Variants in ARPP21 observed in about 807,000 individuals in gnomAD.
ARPP21 encodes cAMP-regulated phosphoprotein 21.
Under a neutral mutation model 113.2 loss-of-function variants are expected in ARPP21, and 69 were observed. That is an observed-to-expected ratio of 0.61 (90% CI 0.50 to 0.74). The LOEUF (loss-of-function observed/expected upper bound fraction) is 0.74, where lower values mean the gene tolerates loss of function less well. Ranked by LOEUF, ARPP21 falls within the 30% of genes least tolerant of loss-of-function variation. The pLI is 0.00. For synonymous variants in ARPP21, 368 were observed against 375.5 expected (o/e 0.98, Z 0.23); for missense variants, 1,070 against 1,037.4 (o/e 1.03, Z -0.43).
intron 9 of ARPP21, among the ~76,000 whole-genome samples, chr3:35,705,797 C>T (rs2088720863): frequency 6.6e-6 from 1 of 152,124 alleles, no homozygotes; most frequent in Admixed American, 6.5e-5. Flanking sequence ...TAAAAAAACT[C>T]TAACTGATAT....
At chr3:35,730,757 A>G (rs1296981142) in intron 15 of ARPP21, among the ~76,000 whole-genome samples, 1 of 152,240 alleles carries the variant, frequency 6.6e-6, no homozygotes, top group Non-Finnish European at 1.5e-5. Flanking sequence ...GGAAATTCAG[A>G]GAAATATGAG....
intron 1 of ARPP21, among the ~76,000 whole-genome samples, chr3:35,665,929 G>A (rs1042178475): frequency 3.9e-5 from 6 of 152,056 alleles, no homozygotes; most frequent in African/African-American, 1.4e-4. Flanking sequence ...GATAGAATGT[G>A]TGCATTGTTG....
At position 35,747,724 on chromosome 3, in the gene ARPP21, G is replaced by T. The variant is rs564845219; in HGVS notation, c.2137+3759G>T. ...TAAAGAACTTATGTCTCCCTACTCT[G>T]CCTCAGGGGAACTCAGATTTCCTAT... On this transcript the variant is annotated intron_variant, in intron 19 of 20. Transcript: ENST00000684406. 4.6e-5 allele frequency among the ~76,000 whole-genome samples: 7 copies of T among 152,178 alleles called. No homozygotes were observed. In the Middle Eastern group the frequency reaches 0.01, roughly 222 times the overall value.
chr3:35,743,656 T>C (rs993830009), intron 18 of ARPP21, among the ~76,000 whole-genome samples, 183 bp from the exon 19 acceptor site: 1 of 152,178 alleles, frequency 6.6e-6, no homozygotes, highest in East Asian at 1.9e-4. Flanking sequence ...AGATTTAAGT[T>C]TGGGAAATGG....
At chr3:35,711,574 T>A (rs2091137563) in intron 11 of ARPP21, among the ~76,000 whole-genome samples, 1 of 152,164 alleles carries the variant, frequency 6.6e-6, no homozygotes, top group African/African-American at 2.4e-5. Flanking sequence ...TTTCTGTGGG[T>A]CAGGAGTCTG....
chr3:35,675,798 AGATGATGAT>A (rs58955088), intron 1 of ARPP21, among the ~76,000 whole-genome samples: 193 of 149,350 alleles, frequency 1.3e-3, no homozygotes, highest in East Asian at 7.1e-3. Context: ...GCTAAGATGA[AGATGATGAT>A]GATGATGATG....
At chr3:35,674,965 A>G (rs1429024902) in intron 1 of ARPP21, among the ~76,000 whole-genome samples, 3 of 151,720 alleles carry the variant, frequency 2.0e-5, no homozygotes, top group Non-Finnish European at 2.9e-5. Flanking sequence ...TAATAGAACC[A>G]TCACTAGAGA....
chr3:35,670,954 A>G (rs2280097), intron 1 of ARPP21, among the ~76,000 whole-genome samples: 51,459 of 151,986 alleles, frequency 0.34, 8,981 homozygotes, highest in East Asian at 0.49. Flanking sequence ...TTTATTCAAA[A>G]CGCTAGTATT....
At chr3:35,721,116 A>G (rs1003008950) in intron 13 of ARPP21, among the ~76,000 whole-genome samples, 1 of 152,242 alleles carries the variant, frequency 6.6e-6, no homozygotes, top group African/African-American at 2.4e-5. Flanking sequence ...TGGAACATGA[A>G]TTAACAGCTT....
intron 19 of ARPP21, among the ~76,000 whole-genome samples, chr3:35,788,546 T>A (rs17033769): frequency 6.6e-6 from 1 of 152,190 alleles, no homozygotes; most frequent in African/African-American, 2.4e-5. Context: ...GTCTTCAGTA[T>A]ACCGCCTTCC....
At chr3:35,658,921 T>G (rs767235476) in intron 1 of ARPP21, among the ~76,000 whole-genome samples, 40 of 152,088 alleles carry the variant, frequency 2.6e-4, no homozygotes, top group Non-Finnish European at 1.0e-4. Context: ...TAGGGTCTTG[T>G]TTACACTGTT....
At chr3:35,774,619 A>G (rs775068310) in intron 19 of ARPP21, among the ~76,000 whole-genome samples, 48 of 152,308 alleles carry the variant, frequency 3.2e-4, no homozygotes, top group Non-Finnish European at 6.3e-4. Flanking sequence ...CTCCTGCTGA[A>G]TTAAGGATTT....
intron 11 of ARPP21, among the ~76,000 whole-genome samples, chr3:35,713,806 A>T (rs984649802): frequency 2.6e-5 from 4 of 152,178 alleles, no homozygotes; most frequent in African/African-American, 9.6e-5. Context: ...TATGTCCTTA[A>T]TTAATTCCTT....
upstream of ARPP21, among the ~76,000 whole-genome samples, chr3:35,639,408 G>A (rs1022116620): frequency 6.6e-6 from 1 of 151,964 alleles, no homozygotes; most frequent in African/African-American, 2.4e-5. This position sits in a 1 kb window ranked among gnomAD's most constrained non-coding sequence, Gnocchi z 5.0. Context: ...CGTGCAACAC[G>A]CGCGTTGCCC....
chr3:35,675,798 A>AGATGGTGAT (rs1553651779), intron 1 of ARPP21, among the ~76,000 whole-genome samples: 9 of 149,354 alleles, frequency 6.0e-5, no homozygotes, highest in Admixed American at 2.7e-4. Flanking sequence ...GCTAAGATGA[A>AGATGGTGAT]GATGATGATG....
chr3:35,671,048 A>G (rs968129851), intron 1 of ARPP21, among the ~76,000 whole-genome samples: 7 of 152,258 alleles, frequency 4.6e-5, no homozygotes, highest in Middle Eastern at 3.4e-3. Flanking sequence ...ATTTATTTTC[A>G]TATGCCATAC....
intron 14 of ARPP21, among the ~76,000 whole-genome samples, chr3:35,727,234 G>A (rs1038808714): frequency 2.6e-5 from 4 of 152,090 alleles, no homozygotes; most frequent in African/African-American, 7.2e-5. Context: ...ATATGCATAC[G>A]TACAATTTCA....
intron 1 of ARPP21, among the ~76,000 whole-genome samples, chr3:35,664,295 GGT>G (rs1709161703): frequency 6.6e-6 from 1 of 152,010 alleles, no homozygotes; most frequent in South Asian, 2.1e-4. Flanking sequence ...ATTTCTTTGT[GGT>G]GAGAACATTA....
rs1276099785 is a variant in ARPP21 at position 35,712,559 on chromosome 3, T to TGA, written c.898-2879_898-2878insAG. ...GTGTGTGTGTGTGTGTGTGTGTGTG[T>TGA]GTGAAAGAGAGAGAGTGTGTGTGTG... On this transcript the variant is annotated intron_variant, in intron 11 of 20. Transcript: ENST00000684406. 1.1e-4 allele frequency among the ~76,000 whole-genome samples: 14 copies of TGA among 131,174 alleles called. No individual in the cohort carries two copies. In the East Asian group the frequency reaches 2.7e-3, roughly 25 times the overall value. The allele number at this position is 131,174 out of a possible 152,430, so 86.1% of individuals were successfully genotyped here.
Sources: allele counts gnomAD v4.1 joint callset (sites outside exome capture counted in the v4.1 genomes callset), GRCh38; gene constraint gnomAD v4.1.1; non-coding constraint Gnocchi (gnomAD v3.1); transcripts MANE v1.5; gene names NCBI Gene and HGNC (gene_info 2026-07-23, HGNC 2026-07-21).